The following CFAP96 variants were observed in gnomAD, a reference collection of about 807,000 sequenced individuals.
CFAP96 encodes the protein cilia-and flagella-associated protein 96.
the CFAP96 span, among the ~76,000 whole-genome samples, chr4:185,434,688 C>CT: frequency 0.87 from 132,078 of 151,792 alleles, 57,917 homozygotes; most frequent in East Asian, 0.99. Context: ...GTAAGAAACC[C>CT]TATAAGACAC....
the CFAP96 span, among the ~76,000 whole-genome samples, chr4:185,429,148 A>C: frequency 6.6e-6 from 1 of 152,238 alleles, no homozygotes. Context: ...GGGAGGGCTC[A>C]TCTGGAGAAT....
the CFAP96 span, among the ~76,000 whole-genome samples, chr4:185,419,693 TCTGG>T: frequency 6.6e-6 from 1 of 152,256 alleles, no homozygotes. Context: ...GCTTTTTGTG[TCTGG>T]CTTCTTTCAC....
At chr4:185,444,319 A>G in the CFAP96 span, among the ~76,000 whole-genome samples, 1 of 152,154 alleles carries the variant, frequency 6.6e-6, no homozygotes, top group Non-Finnish European at 1.5e-5. Flanking sequence ...AAGGTGCCTA[A>G]TTAAATGGGT....
At chr4:185,446,782 C>G in the CFAP96 span, among the ~76,000 whole-genome samples, 1 of 152,036 alleles carries the variant, frequency 6.6e-6, no homozygotes. Flanking sequence ...GATGTGTTTT[C>G]TATAAAAAAA....
the CFAP96 span, among the ~76,000 whole-genome samples, chr4:185,414,764 A>G: frequency 1.3e-5 from 2 of 152,220 alleles, no homozygotes; most frequent in African/African-American, 2.4e-5. Context: ...CAGAATTAGC[A>G]TAAGTTATCA....
chr4:185,441,098 G>C, the CFAP96 span, among the ~76,000 whole-genome samples: 1 of 151,992 alleles, frequency 6.6e-6, no homozygotes, highest in Non-Finnish European at 1.5e-5. Context: ...TTACAGGCAT[G>C]TGCTACCATG....
the CFAP96 span, among the ~76,000 whole-genome samples, chr4:185,413,395 CAAAA>C: frequency 1.3e-5 from 2 of 151,586 alleles, no homozygotes; most frequent in South Asian, 2.1e-4. Flanking sequence ...CTCAAAAAAA[CAAAA>C]AAAGATTTAT....
chr4:185,431,938 G>T, the CFAP96 span: 1 of 1,393,846 alleles, frequency 7.2e-7, no homozygotes. Flanking sequence ...TCCTTTAATT[G>T]CTAGTCAGCT....
At chr4:185,418,187 G>A in the CFAP96 span, among the ~76,000 whole-genome samples, 2 of 152,160 alleles carry the variant, frequency 1.3e-5, no homozygotes, top group Non-Finnish European at 2.9e-5. Flanking sequence ...ATTTATAAAT[G>A]TATTTAGGCT....
At chr4:185,425,372 G>A in the CFAP96 span, among the ~76,000 whole-genome samples, 78 of 152,190 alleles carry the variant, frequency 5.1e-4, no homozygotes, top group African/African-American at 1.6e-3. Context: ...CTGGAGCTCA[G>A]AAGAAAGGTC....
At chr4:185,424,140 CAAAA>C in the CFAP96 span, among the ~76,000 whole-genome samples, 2 of 135,212 alleles carry the variant, frequency 1.5e-5, no homozygotes, top group Admixed American at 7.4e-5. Flanking sequence ...CCATCTCTAC[CAAAA>C]AAAAAAAAAA....
the CFAP96 span, among the ~76,000 whole-genome samples, chr4:185,446,001 C>T: frequency 2.0e-5 from 3 of 151,992 alleles, no homozygotes; most frequent in African/African-American, 7.3e-5. Flanking sequence ...AACACCACAC[C>T]CGGCTAATTT....
At chr4:185,430,384 G>A in the CFAP96 span, among the ~76,000 whole-genome samples, 1 of 152,150 alleles carries the variant, frequency 6.6e-6, no homozygotes, top group South Asian at 2.1e-4. Flanking sequence ...TCTATATAGT[G>A]TGCTCAGCAT....
At chr4:185,434,214 A>T in the CFAP96 span, among the ~76,000 whole-genome samples, 1 of 151,992 alleles carries the variant, frequency 6.6e-6, no homozygotes, top group Non-Finnish European at 1.5e-5. Flanking sequence ...ACAGAGTGAG[A>T]CCCTGTCTGA....
chr4:185,422,386 C>A, the CFAP96 span: 1 of 863,780 alleles, frequency 1.2e-6, no homozygotes, highest in South Asian at 1.6e-5. Context: ...AATCTTAGTT[C>A]ATCCTATCTC....
At chr4:185,418,383 G>T in the CFAP96 span, 2 of 1,347,124 alleles carry the variant, frequency 1.5e-6, no homozygotes, top group Non-Finnish European at 1.0e-6. Flanking sequence ...ATTGCACTCA[G>T]TTCCAAATCC....
At chr4:185,440,673 A>G in the CFAP96 span, 28 of 1,505,222 alleles carry the variant, frequency 1.9e-5, no homozygotes, top group East Asian at 4.3e-4. Context: ...GAAGAGAAGA[A>G]GAAAACAATT....
At chr4:185,429,451 G>A in the CFAP96 span, 1 of 1,538,572 alleles carries the variant, frequency 6.5e-7, no homozygotes, top group Non-Finnish European at 8.8e-7. Context: ...GGAAAGGATT[G>A]GCCTCTTTAG....
the CFAP96 span, among the ~76,000 whole-genome samples, chr4:185,428,095 A>T: frequency 2.6e-5 from 4 of 152,098 alleles, no homozygotes; most frequent in African/African-American, 9.7e-5. Flanking sequence ...TCAAAAAAAA[A>T]AAAAAAATGG....
Sources: gnomAD v4.1 joint callset for allele counts (sites outside exome capture counted in the v4.1 genomes callset) on GRCh38, gnomAD v4.1.1 for gene constraint, MANE v1.5 for transcripts, NCBI Gene and HGNC (gene_info 2026-07-23, HGNC 2026-07-21) for gene names.